The following BICC1 variants were observed in gnomAD, a reference collection of about 807,000 sequenced individuals.
BICC1 encodes the protein BicC family RNA binding protein 1.
In BICC1, 43 loss-of-function variants were observed where a neutral mutation model predicts 111.0. The observed-to-expected ratio is 0.39, with a 90% CI of 0.30 to 0.50. The LOEUF (loss-of-function observed/expected upper bound fraction) is 0.50, where lower values mean the gene tolerates loss of function less well. BICC1 is among the 20% of genes least tolerant of loss of function. The pLI, the probability that BICC1 is intolerant of heterozygous loss-of-function variation, is 0.88. For missense variants in BICC1, 1,091 were observed against 1,203.2 expected, an observed-to-expected ratio of 0.91 and a Z score of 1.38; for synonymous variants, 467 against 434.4, an observed-to-expected ratio of 1.07 and a Z score of -0.93.
At chr10:58,769,394 G>GTATATATATATATATA (rs1424916212) in intron 3 of BICC1, among the ~76,000 whole-genome samples, 1 of 107,310 alleles carries the variant, frequency 9.3e-6, no homozygotes, top group African/African-American at 2.9e-5. Flanking sequence ...GTGTGTGTGT[G>GTATATATATATATATA]TGTGTGTGTG....
chr10:58,700,471 T>G (rs1164354932), intron 2 of BICC1, among the ~76,000 whole-genome samples: 1 of 152,120 alleles, frequency 6.6e-6, no homozygotes, highest in Non-Finnish European at 1.5e-5. Context: ...GTAAACACAT[T>G]AGCAGAGACA....
In BICC1 at chr10:58,829,822, G is replaced by T. The variant is rs1174347085; in HGVS notation, c.*931G>T. On this transcript the variant is annotated 3_prime_UTR_variant, in exon 21 of 21. Transcript: ENST00000373886. ...TATTTATATCAAACTTTTATTTTTA[G>T]ATATTATAAGCATACAGTACATAAT... The T allele has an allele frequency of 1.3e-5, 2 of 152,086 alleles. No individual in the cohort carries two copies. Among genetic ancestry groups the T allele is most frequent in the Non-Finnish European group, 2.9e-5 (2 of 68,026 alleles). 9.4% of individuals were successfully genotyped at this position (152,086 alleles called of 1,614,324 possible).
chr10:58,512,845 T>G (rs1474429886), upstream of BICC1, among the ~76,000 whole-genome samples: 1 of 148,610 alleles, frequency 6.7e-6, no homozygotes, highest in Non-Finnish European at 1.5e-5. Context: ...GCCCTGCGGA[T>G]GGAGGCGCGG....
chr10:58,621,766 C>T lies in BICC1; in HGVS notation c.237+865C>T, dbSNP rs1845815016. ...TATAAAAGTTAGCCCGGTGTGGTCGCAGATGCCTGTAATCCCAGTTACTTG... is the reference window on the plus strand; with the variant it reads ...TATAAAAGTTAGCCCGGTGTGGTCGTAGATGCCTGTAATCCCAGTTACTTG... On this transcript the variant is annotated intron_variant, in intron 2 of 20. Coordinates refer to ENST00000373886, the MANE Select transcript of BICC1 (RefSeq NM_001080512.3). Among the ~76,000 whole-genome samples, 6 of 151,978 alleles carry T rather than the reference C, an allele frequency of 3.9e-5. No individual in the cohort carries two copies. In the South Asian group the frequency reaches 1.3e-3, roughly 32 times the overall value.
intron 1 of BICC1, among the ~76,000 whole-genome samples, chr10:58,566,030 C>T (rs551416621): frequency 2.0e-5 from 3 of 152,186 alleles, no homozygotes; most frequent in South Asian, 2.1e-4. Flanking sequence ...CATCCTCATA[C>T]GATGTTTGGT....
rs1361260192 is a variant in BICC1, at chr10:58,798,627, T to G, written c.1528+67T>G. 2.2e-6 allele frequency: 3 copies of G among 1,371,334 alleles called. No homozygotes were observed. The African/African-American group carries it at 4.5e-5, about 21-fold the overall frequency. 84.9% of individuals were successfully genotyped at this position (1,371,334 alleles called of 1,614,324 possible). A position where few individuals can be genotyped will look rare whatever the true frequency, so the allele number is the denominator to read the frequency against. On this transcript the variant is annotated intron_variant, in intron 11 of 20. Coordinates refer to ENST00000373886, the MANE Select transcript of BICC1 (RefSeq NM_001080512.3). The stretch of plus-strand genomic sequence containing the variant: ...GTGTTACCAGTTTTTTAAATAAAAT[T>G]TACGAAGGGCTCAGTTTTCTTAAGG...
chr10:58,798,237 C>T (rs1472169460), intron 10 of BICC1, among the ~76,000 whole-genome samples, 162 bp from the exon 11 acceptor site: 1 of 152,060 alleles, frequency 6.6e-6, no homozygotes, highest in Non-Finnish European at 1.5e-5. Flanking sequence ...CTGTATGATG[C>T]AAAACTCATG....
intron 2 of BICC1, chr10:58,648,398 T>C: frequency 1.1e-5 from 5 of 453,520 alleles, no homozygotes; most frequent in Non-Finnish European, 1.5e-5. Flanking sequence ...CATTTCTCTC[T>C]GTCCTTTGCC....
rs1844491773 is a variant in BICC1, at chr10:58,829,241, A to T, written c.*350A>T. 2.4e-5 allele frequency: 3 copies of T among 125,976 alleles called. No individual in the cohort carries two copies. Among genetic ancestry groups the T allele is most frequent in the South Asian group, 2.7e-4 (1 of 3,716 alleles). The allele number at this position is 125,976 out of a possible 1,614,324, so 7.8% of individuals were successfully genotyped here. A position where few individuals can be genotyped will look rare whatever the true frequency, so the allele number is the denominator to read the frequency against. On this transcript the variant is annotated 3_prime_UTR_variant, in exon 21 of 21. Transcript: ENST00000373886. ...TTTTTTTACTTAAAATGAAGGATGA[A>T]TTGACATCTGGGATGCCAGAAGACT...
At chr10:58,527,090 T>C (rs1390286162) in intron 1 of BICC1, among the ~76,000 whole-genome samples, 2 of 152,214 alleles carry the variant, frequency 1.3e-5, no homozygotes, top group African/African-American at 2.4e-5. Flanking sequence ...CCAGCACCTG[T>C]TGTTTCCTGA....
At chr10:58,809,743 G>C (rs1237966652) in intron 17 of BICC1, among the ~76,000 whole-genome samples, 1 of 152,156 alleles carries the variant, frequency 6.6e-6, no homozygotes, top group Non-Finnish European at 1.5e-5. Context: ...AGAATTTAAG[G>C]TAATAGTAGT....
At chr10:58,639,690 T>TA (rs1389295063) in intron 2 of BICC1, among the ~76,000 whole-genome samples, 1 of 148,624 alleles carries the variant, frequency 6.7e-6, no homozygotes, top group Non-Finnish European at 1.5e-5. Context: ...GTTCTGGAAT[T>TA]ACAGGTATGA....
chr10:58,515,555 C>T (rs1045583170), intron 1 of BICC1, among the ~76,000 whole-genome samples: 3 of 152,168 alleles, frequency 2.0e-5, no homozygotes, highest in African/African-American at 7.2e-5. Flanking sequence ...ATGGCTATGA[C>T]ATCACTAGGC....
intron 2 of BICC1, chr10:58,648,593 C>T: frequency 1.0e-6 from 1 of 984,160 alleles, no homozygotes; most frequent in Non-Finnish European, 1.2e-6. Context: ...GCCTCTCTCT[C>T]TCTCTTTCTC....
chr10:58,762,118 C>T (rs1007205420), intron 3 of BICC1, among the ~76,000 whole-genome samples: 1 of 152,086 alleles, frequency 6.6e-6, no homozygotes, highest in East Asian at 1.9e-4. Flanking sequence ...AGAGTCTGCA[C>T]AAACTCCCCA....
chr10:58,573,804 T>G lies in BICC1; in HGVS notation c.191-47051T>G, dbSNP rs77759575. ...TCAAGCAGCGTGATTGACTTCTGAT[T>G]ATTCTTCAGCATCAAAGTCCTAAGC... is the stretch of plus-strand genomic sequence containing the variant. On this transcript the variant is annotated intron_variant, in intron 1 of 20. Coordinates refer to ENST00000373886, the MANE Select transcript of BICC1 (RefSeq NM_001080512.3). Among the ~76,000 whole-genome samples, 929 of 150,270 alleles carry G rather than the reference T, an allele frequency of 6.2e-3. 3 individuals are homozygous for G. Among genetic ancestry groups the G allele is most frequent in the Non-Finnish European group, 9.5e-3 (640 of 67,536 alleles).
intron 3 of BICC1, among the ~76,000 whole-genome samples, chr10:58,740,818 AT>A (rs1841637220): frequency 6.6e-6 from 1 of 152,106 alleles, no homozygotes; most frequent in South Asian, 2.1e-4. Context: ...GGAGAAAGGG[AT>A]GGGTGTGGGG....
chr10:58,678,373 C>CA (rs1312236336), intron 2 of BICC1, among the ~76,000 whole-genome samples: 3 of 150,960 alleles, frequency 2.0e-5, no homozygotes, highest in Admixed American at 1.3e-4. Flanking sequence ...AAATGGAAAG[C>CA]AAAAAAAAGC....
intron 1 of BICC1, among the ~76,000 whole-genome samples, chr10:58,522,937 T>C (rs1842431733): frequency 6.6e-6 from 1 of 152,036 alleles, no homozygotes; most frequent in South Asian, 2.1e-4. Flanking sequence ...TCTATGCAAA[T>C]AAACTAGAAA....
Sources: gnomAD v4.1 joint callset for allele counts (sites outside exome capture counted in the v4.1 genomes callset) on GRCh38, gnomAD v4.1.1 for gene constraint, MANE v1.5 for transcripts, NCBI Gene and HGNC (gene_info 2026-07-23, HGNC 2026-07-21) for gene names.